FLT1: variants seen among roughly 807,000 people sequenced by gnomAD.
FLT1 encodes the protein fms related receptor tyrosine kinase 1.
A neutral mutation model predicts 156.3 loss-of-function variants in FLT1; 49 were observed. That is an observed-to-expected ratio of 0.31 (90% confidence interval 0.25 to 0.40). FLT1 has a LOEUF of 0.40. Ranked by LOEUF, FLT1 falls within the 10% of genes least tolerant of loss-of-function variation. The pLI, the probability that FLT1 is intolerant of heterozygous loss-of-function variation, is 1.00. For missense variants in FLT1, 1,322 were observed against 1,637.2 expected (o/e 0.81, Z 3.32); for synonymous variants, 594 against 583.8 (o/e 1.02, Z -0.25).
At chr13:28,452,007 G>A (rs1180088624) in intron 3 of FLT1, among the ~76,000 whole-genome samples, 2 of 152,138 alleles carry the variant, frequency 1.3e-5, no homozygotes, top group Admixed American at 1.3e-4. Context: ...AGTGTTTCCA[G>A]TTTTTAAAGA....
intron 3 of FLT1, among the ~76,000 whole-genome samples, chr13:28,459,722 C>G (rs1879458018): frequency 6.6e-6 from 1 of 152,180 alleles, no homozygotes; most frequent in African/African-American, 2.4e-5. Context: ...TGCCTATTTT[C>G]CCTTGGAGGA....
At chr13:28,472,336 C>T (rs939424564) in intron 1 of FLT1, among the ~76,000 whole-genome samples, 1 of 152,192 alleles carries the variant, frequency 6.6e-6, no homozygotes, top group African/African-American at 2.4e-5. Context: ...ATGATTGAGG[C>T]TCTTTCTTCA....
intron 14 of FLT1, among the ~76,000 whole-genome samples, chr13:28,372,566 G>GTGTATATATATATATATATATATATA (rs1555232432): frequency 1.1e-5 from 1 of 91,472 alleles, no homozygotes; most frequent in Non-Finnish European, 2.2e-5. Flanking sequence ...TAAATAAAAT[G>GTGTATATATATATATATATATATATA]TATATATATA....
At chr13:28,307,316 G>A (rs1870790675) in intron 28 of FLT1, among the ~76,000 whole-genome samples, 1 of 151,932 alleles carries the variant, frequency 6.6e-6, no homozygotes. Flanking sequence ...TTGTTAATAC[G>A]GCATGTTCCA....
rs548320487 is a variant in FLT1 at position 28,411,448 on chromosome 13, A to G, written c.1437-5554T>C. On this transcript the variant is annotated intron_variant, in intron 10 of 29. Coordinates refer to ENST00000282397, the MANE Select transcript of FLT1 (RefSeq NM_002019.4). ...TGCAGTCCAGCTACTGGGGAGGCTG[A>G]GGCAGGAGAATCGCTTGAACCTGGG... 2.7e-5 allele frequency among the ~76,000 whole-genome samples: 4 copies of G among 148,072 alleles called. No homozygotes were observed. In the South Asian group the frequency reaches 9.0e-4, roughly 33 times the overall value.
At chr13:28,317,214 A>G (rs146838231) in intron 25 of FLT1, among the ~76,000 whole-genome samples, 1 of 152,242 alleles carries the variant, frequency 6.6e-6, no homozygotes, top group East Asian at 1.9e-4. Context: ...ATACCTAGAA[A>G]CTGAATTTCT....
At position 28,319,282 on chromosome 13, in the gene FLT1, G is replaced by A; in HGVS notation, c.3286+141C>T. ...TGCGTACGCCATTACTCATCTGAGA[G>A]TCTACATGGGCCCATTACACTTTAA... On this transcript the variant is annotated intron_variant, in intron 24 of 29. Coordinates refer to ENST00000282397, the MANE Select transcript of FLT1 (RefSeq NM_002019.4). The A allele has an allele frequency of 4.4e-6, 3 of 683,866 alleles. No homozygotes were observed. In the South Asian group the frequency reaches 4.5e-5, roughly 10 times the overall value. 42.4% of individuals were successfully genotyped at this position (683,866 alleles called of 1,614,324 possible). A position where few individuals can be genotyped will look rare whatever the true frequency, so the allele number is the denominator to read the frequency against.
chr13:28,492,947 A>T (rs896364648), intron 1 of FLT1, among the ~76,000 whole-genome samples: 13 of 140,260 alleles, frequency 9.3e-5, no homozygotes, highest in South Asian at 2.2e-4. Flanking sequence ...AAGTGCAAAT[A>T]AAAAAAAAAA....
intron 13 of FLT1, chr13:28,388,929 CAG>C (rs1874533248): frequency 7.5e-6 from 8 of 1,064,822 alleles, no homozygotes; most frequent in Non-Finnish European, 6.8e-6. Context: ...GTGGTGCAGT[CAG>C]AGACAGCAAG....
At chr13:28,422,881 T>C (rs1160970127) in intron 10 of FLT1, among the ~76,000 whole-genome samples, 1 of 152,238 alleles carries the variant, frequency 6.6e-6, no homozygotes, top group East Asian at 1.9e-4. Flanking sequence ...CCTGGGTTCC[T>C]GAAATCCACC....
At chr13:28,390,553 G>C (rs1434248915) in intron 12 of FLT1, among the ~76,000 whole-genome samples, 1 of 152,022 alleles carries the variant, frequency 6.6e-6, no homozygotes, top group South Asian at 2.1e-4. Flanking sequence ...GCATCACCAC[G>C]CTGGGCTAAT....
intron 14 of FLT1, among the ~76,000 whole-genome samples, chr13:28,378,453 G>T (rs1873939929): frequency 6.6e-6 from 1 of 152,176 alleles, no homozygotes; most frequent in Non-Finnish European, 1.5e-5. Flanking sequence ...TTGTTCTCTT[G>T]TGAGTGAGGT....
At chr13:28,380,932 G>A (rs1874054651) in intron 14 of FLT1, among the ~76,000 whole-genome samples, 1 of 152,078 alleles carries the variant, frequency 6.6e-6, no homozygotes, top group African/African-American at 2.4e-5. Flanking sequence ...AGGGGAAAAA[G>A]GGCTCCGAGA....
chr13:28,361,202 C>T lies in FLT1; in HGVS notation c.2117-3517G>A, dbSNP rs191455647. ...GCTGAGGCAGAAGAATTGCTTGAAG[C>T]CGGGAGGCAGAGCTTGGAGTGAGCC... is the stretch of plus-strand genomic sequence containing the variant. On this transcript the variant is annotated intron_variant, in intron 14 of 29. Coordinates refer to ENST00000282397, the MANE Select transcript of FLT1 (RefSeq NM_002019.4). Among the ~76,000 whole-genome samples the T allele has an allele frequency of 1.4e-4, 21 of 152,100 alleles. No homozygotes were observed. In the East Asian group the frequency reaches 4.1e-3, roughly 29 times the overall value.
intron 17 of FLT1, among the ~76,000 whole-genome samples, chr13:28,337,885 C>T (rs1481815004): frequency 6.6e-6 from 1 of 152,154 alleles, no homozygotes; most frequent in Non-Finnish European, 1.5e-5. Flanking sequence ...GAGAATGGCT[C>T]GTGATTGTGG....
chr13:28,334,715 A>G (rs1341663023), intron 17 of FLT1, among the ~76,000 whole-genome samples: 1 of 152,218 alleles, frequency 6.6e-6, no homozygotes. Context: ...TCAGCACAGG[A>G]GCCTGGTCAA....
At chr13:28,429,126 G>T (rs1877523916) in intron 8 of FLT1, among the ~76,000 whole-genome samples, 1 of 152,046 alleles carries the variant, frequency 6.6e-6, no homozygotes, top group African/African-American at 2.4e-5. Flanking sequence ...ACTACTAAAC[G>T]TTTTTGATAT....
intron 8 of FLT1, 101 bp downstream of exon 8, chr13:28,429,949 C>G (rs536201938): frequency 1.2e-6 from 1 of 848,300 alleles, no homozygotes; most frequent in East Asian, 2.4e-5. Context: ...GTCTGAGGAA[C>G]GTCTCTTGGT....
intron 14 of FLT1, among the ~76,000 whole-genome samples, chr13:28,372,438 G>GAAAAAAC (rs1313036999): frequency 6.7e-6 from 1 of 150,332 alleles, no homozygotes; most frequent in East Asian, 1.9e-4. Flanking sequence ...TTAAAAAATG[G>GAAAAAAC]AAAAAACATT....
Sources: gnomAD v4.1 joint callset for allele counts (sites outside exome capture counted in the v4.1 genomes callset) on GRCh38, gnomAD v4.1.1 for gene constraint, MANE v1.5 for transcripts, NCBI Gene and HGNC (gene_info 2026-07-23, HGNC 2026-07-21) for gene names.